The following TEX10 variants were observed in gnomAD, a reference collection of about 807,000 sequenced individuals.
The protein encoded by TEX10 is testis expressed 10.
Under a neutral mutation model 104.4 loss-of-function variants are expected in TEX10, and 24 were observed. That is an observed-to-expected ratio of 0.23 (90% CI 0.17 to 0.32). The LOEUF is 0.32. Among genes scored for constraint, TEX10 ranks in the 10% least tolerant of loss-of-function variants. The probability of loss-of-function intolerance (pLI) is 1.00; values close to 1 mark genes in which losing one functional copy is unlikely to be tolerated. For missense variants in TEX10, 921 were observed against 1,083.9 expected, an observed-to-expected ratio of 0.85 and a Z score of 2.11; for synonymous variants, 396 against 393.4, an observed-to-expected ratio of 1.01 and a Z score of -0.08.
chr9:100,329,142 G>T lies in TEX10; in HGVS notation c.1623C>A (p.Phe541Leu), dbSNP rs756093218. Residue 541 changes from phenylalanine to leucine, a missense_variant and splice_region_variant, in exon 7 of 15, where the codon TTC (phenylalanine) becomes TTA (leucine). Physicochemically the swap from Phe to Leu is conservative, Grantham distance 22. This residue lies in a region of TEX10 where 753 missense variants were observed against 868.4 expected (regional missense o/e 0.87). Transcript: ENST00000374902. ...AAGGAAAAATAACAAGATTTTACCT[G>T]AATCTACAAGATCTCAGTTCTTCTG... ...YQTEELRSCR[F>L]RYRSKVLSRW... 2 of 1,591,426 alleles carry T rather than the reference G, an allele frequency of 1.3e-6. No individual in the cohort carries two copies. Among genetic ancestry groups the T allele is most frequent in the South Asian group, 2.3e-5 (2 of 85,950 alleles).
chr9:100,340,375 G>A lies in TEX10; in HGVS notation c.1138-6C>T. The A allele has an allele frequency of 6.7e-7, 1 of 1,490,834 alleles. No homozygotes were observed. Among genetic ancestry groups the A allele is most frequent in the South Asian group, 1.3e-5 (1 of 74,890 alleles). The allele number at this position is 1,490,834 out of a possible 1,614,324, so 92.4% of individuals were successfully genotyped here. ...TTCTTTCGAAGCCATGACTCCTATT[G>A]AAATAGCAAAGATTAGAAAAATCTA... On this transcript the variant is annotated splice_region_variant and splice_polypyrimidine_tract_variant and intron_variant, in intron 4 of 14. Transcript: ENST00000374902.
At chr9:100,352,388 G>T in intron 1 of TEX10, 1 of 1,551,706 alleles carries the variant, frequency 6.4e-7, no homozygotes, top group South Asian at 1.2e-5. Context: ...CTCCGTATTC[G>T]GTCCTGCATC....
At chr9:100,315,700 C>T (rs1166224756) in intron 11 of TEX10, among the ~76,000 whole-genome samples, 3 of 151,848 alleles carry the variant, frequency 2.0e-5, no homozygotes, top group South Asian at 2.1e-4. Context: ...TTTGTTTTTT[C>T]CTTTCAGCAC....
chr9:100,317,639 T>C (rs1346115241), intron 11 of TEX10, among the ~76,000 whole-genome samples: 1 of 151,974 alleles, frequency 6.6e-6, no homozygotes, highest in Non-Finnish European at 1.5e-5. Flanking sequence ...CAAATAGGAC[T>C]TCATTACACT....
intron 1 of TEX10, among the ~76,000 whole-genome samples, chr9:100,351,363 TAAAAAAC>T (rs1200864312): frequency 1.7e-4 from 4 of 23,518 alleles, no homozygotes; most frequent in Non-Finnish European, 3.1e-4. Flanking sequence ...ACCTTAGTCT[TAAAAAAC>T]AAAACAAAAC....
chr9:100,321,568 G>A, intron 10 of TEX10, 115 bp downstream of exon 10: 1 of 780,490 alleles, frequency 1.3e-6, no homozygotes, highest in East Asian at 2.6e-5. Context: ...CTCCAAGATA[G>A]AATATTTATC....
chr9:100,336,324 A>T (rs984125845), intron 5 of TEX10, among the ~76,000 whole-genome samples: 2 of 152,172 alleles, frequency 1.3e-5, no homozygotes, highest in Non-Finnish European at 2.9e-5. Flanking sequence ...ACACAGCAGG[A>T]GGTGAGCGGC....
chr9:100,329,243 T>A lies in TEX10; in HGVS notation c.1522A>T (p.Thr508Ser). ...ATAAGGCCCCTCTGCTGATATAATG[T>A]ATAAACTGCCTTAATAAGAGTCTCT... ...DTETLIKAVY[T>S]LYQQRGLILP... is the part of the protein sequence containing the mutation. Residue 508 changes from threonine to serine, a missense_variant, in exon 7 of 15, where the codon ACA (threonine) becomes TCA (serine). Physicochemically the swap from Thr to Ser is moderately conservative, Grantham distance 58. Around this residue, in one of 3 missense-constraint regions of TEX10, gnomAD observed 753 missense variants for 868.4 expected, o/e 0.87. Coordinates refer to ENST00000374902, the MANE Select transcript of TEX10 (RefSeq NM_017746.4). 1 of 1,608,910 alleles carries A rather than the reference T, an allele frequency of 6.2e-7. No individual in the cohort carries two copies. The highest frequency in any genetic ancestry group is 1.1e-5 in the South Asian group (1 of 89,414).
rs1346410932 is a variant in TEX10, at chr9:100,345,953, C to T, written c.1137+119G>A. Reference sequence around the variant, plus strand: ...CAAAACAAACAAGTTTACAGTTAAACCCAGGGTACTTTTCAGAAAAATATA... The same window carrying T: ...CAAAACAAACAAGTTTACAGTTAAATCCAGGGTACTTTTCAGAAAAATATA... On this transcript the variant is annotated intron_variant, in intron 4 of 14. Coordinates refer to ENST00000374902, the MANE Select transcript of TEX10 (RefSeq NM_017746.4). 5 of 1,140,780 alleles carry T rather than the reference C, an allele frequency of 4.4e-6. No individual in the cohort carries two copies. The Admixed American group carries it at 1.6e-4, about 35-fold the overall frequency. The allele number at this position is 1,140,780 out of a possible 1,614,324, so 70.7% of individuals were successfully genotyped here.
At chr9:100,315,329 G>T (rs1834389441) in intron 11 of TEX10, among the ~76,000 whole-genome samples, 1 of 152,218 alleles carries the variant, frequency 6.6e-6, no homozygotes, top group South Asian at 2.1e-4. Context: ...CTTTCTCGAT[G>T]ATCTAATGCT....
chr9:100,314,377 C>T (rs1025800064), intron 11 of TEX10, among the ~76,000 whole-genome samples: 6 of 152,088 alleles, frequency 3.9e-5, no homozygotes, highest in Non-Finnish European at 5.9e-5. Flanking sequence ...TGAGCCACTG[C>T]GCCCGGCCTG....
chr9:100,342,982 C>T (rs922266191), intron 4 of TEX10, among the ~76,000 whole-genome samples: 5 of 151,580 alleles, frequency 3.3e-5, no homozygotes, highest in Admixed American at 1.3e-4. Context: ...TCCGTCTCTA[C>T]TAAAAATACA....
chr9:100,334,448 G>C (rs1268162376), intron 5 of TEX10, among the ~76,000 whole-genome samples: 1 of 152,004 alleles, frequency 6.6e-6, no homozygotes, highest in African/African-American at 2.4e-5. Context: ...ATTTTTATGG[G>C]GGGAGAAAAA....
chr9:100,303,989 CACTT>C (rs1285155185), intron 13 of TEX10, 147 bp from the exon 14 acceptor site: 6 of 715,302 alleles, frequency 8.4e-6, no homozygotes, highest in African/African-American at 7.1e-5. Flanking sequence ...AACGCAATCT[CACTT>C]ACAATAGCCA....
intron 5 of TEX10, among the ~76,000 whole-genome samples, chr9:100,332,406 C>T (rs1834886133): frequency 6.6e-6 from 1 of 152,212 alleles, no homozygotes; most frequent in African/African-American, 2.4e-5. Flanking sequence ...GTTCCTTCTG[C>T]TCCTCCAATA....
In TEX10 at chr9:100,326,369, G is replaced by A. The variant is rs763502930; in HGVS notation, c.1912C>T (p.Arg638Cys). ...LPADLLSRLS[R>C]CCIMGRLSSS... The stretch of plus-strand genomic sequence containing the variant: ...CTGAGTCTTCCCATAATACAGCAAC[G>A]ACTTAACCGAGAAAGCAAATCAGCC... The change falls in exon 9 of 15, where the codon CGT becomes TGT. Residue 638 changes from arginine (R) to cysteine (C), a missense_variant. Coordinates refer to ENST00000374902, the MANE Select transcript of TEX10 (RefSeq NM_017746.4). 5.0e-6 allele frequency: 8 copies of A among 1,613,764 alleles called. No individual in the cohort carries two copies. The East Asian group carries it at 1.6e-4, about 31-fold the overall frequency.
At chr9:100,335,095 G>C (rs1165918658) in intron 5 of TEX10, among the ~76,000 whole-genome samples, 2 of 152,154 alleles carry the variant, frequency 1.3e-5, no homozygotes, top group Non-Finnish European at 1.5e-5. Context: ...AATTCCCACA[G>C]GGCTATTTCC....
chr9:100,332,278 A>G (rs1834881974), intron 5 of TEX10, among the ~76,000 whole-genome samples: 1 of 152,226 alleles, frequency 6.6e-6, no homozygotes, highest in African/African-American at 2.4e-5. Flanking sequence ...ACTGGGATAG[A>G]ATTGCAACAT....
intron 10 of TEX10, among the ~76,000 whole-genome samples, chr9:100,321,463 A>G (rs1262516650): frequency 6.6e-6 from 1 of 152,200 alleles, no homozygotes; most frequent in Non-Finnish European, 1.5e-5. Flanking sequence ...TAAGAGATTT[A>G]AAGACAAATC....
Sources: gnomAD v4.1 joint callset for allele counts (sites outside exome capture counted in the v4.1 genomes callset) on GRCh38, gnomAD v4.1.1 for gene constraint, gnomAD v4.1.1 regional missense constraint, MANE v1.5 for transcripts, NCBI Gene and HGNC (gene_info 2026-07-23, HGNC 2026-07-21) for gene names.